The following ATP9B variants were observed in gnomAD, a reference collection of about 807,000 sequenced individuals.
The protein encoded by ATP9B is ATPase phospholipid transporting 9B.
In ATP9B, 110 loss-of-function variants were observed where a neutral mutation model predicts 146.1. The ratio of observed to expected loss-of-function variants is 0.75; its 90% CI spans 0.65 to 0.88. The LOEUF (loss-of-function observed/expected upper bound fraction) is 0.88, where lower values mean the gene tolerates loss of function less well. ATP9B is among the 40% of genes least tolerant of loss of function. The probability of loss-of-function intolerance (pLI) is 0.00; values close to 1 mark genes in which losing one functional copy is unlikely to be tolerated. For synonymous variants in ATP9B, 604 were observed against 569.7 expected (o/e 1.06, Z -0.86); for missense variants, 1,499 against 1,496.4 (o/e 1.00, Z -0.03).
intron 11 of ATP9B, among the ~76,000 whole-genome samples, chr18:79,218,664 T>C (rs926594692): frequency 1.3e-5 from 2 of 152,250 alleles, no homozygotes; most frequent in African/African-American, 4.8e-5. Context: ...CAGCGCAGGC[T>C]GACAGCTCCT....
At chr18:79,366,590 T>C (rs1019195757) in intron 26 of ATP9B, among the ~76,000 whole-genome samples, 1 of 152,192 alleles carries the variant, frequency 6.6e-6, no homozygotes, top group Non-Finnish European at 1.5e-5. Flanking sequence ...GGGCTTGTGG[T>C]TTCTGTGAGA....
intron 7 of ATP9B, among the ~76,000 whole-genome samples, chr18:79,155,753 C>CTTTTT (rs56002235): frequency 8.1e-5 from 6 of 74,072 alleles, no homozygotes; most frequent in Non-Finnish European, 1.4e-4. Context: ...TGTTTTCTCT[C>CTTTTT]TTTTTTTTTT....
chr18:79,271,413 G>A (rs971126883), intron 12 of ATP9B, among the ~76,000 whole-genome samples: 25 of 125,628 alleles, frequency 2.0e-4, no homozygotes, highest in African/African-American at 6.8e-4. Context: ...AACAGGCCCC[G>A]GTGTGTGATG....
intron 11 of ATP9B, among the ~76,000 whole-genome samples, chr18:79,230,890 C>T (rs377562782): frequency 3.3e-5 from 5 of 152,028 alleles, no homozygotes; most frequent in African/African-American, 7.2e-5. Flanking sequence ...TATACAACAA[C>T]GCAAACAAAA....
At chr18:79,266,296 A>G (rs1177268921) in intron 12 of ATP9B, among the ~76,000 whole-genome samples, 2 of 152,152 alleles carry the variant, frequency 1.3e-5, no homozygotes, top group Non-Finnish European at 2.9e-5. Context: ...AAGAAATAAA[A>G]TTAATTTTTA....
At chr18:79,322,148 C>T (rs1207913236) in intron 15 of ATP9B, among the ~76,000 whole-genome samples, 1 of 152,114 alleles carries the variant, frequency 6.6e-6, no homozygotes, top group Non-Finnish European at 1.5e-5. Flanking sequence ...CCCTGAATTA[C>T]AGGACTGCGT....
chr18:79,099,176 T>C (rs182590671), intron 2 of ATP9B, among the ~76,000 whole-genome samples: 2 of 152,324 alleles, frequency 1.3e-5, no homozygotes, highest in East Asian at 3.9e-4. Context: ...TGACAGGTAT[T>C]ATCATTAAGT....
At chr18:79,274,432 G>A (rs1220600136) in intron 12 of ATP9B, among the ~76,000 whole-genome samples, 8 of 152,094 alleles carry the variant, frequency 5.3e-5, no homozygotes, top group East Asian at 1.9e-4. Context: ...AAATGCTCCC[G>A]ATGTGTTGTT....
At chr18:79,318,156 T>C (rs959619519) in intron 15 of ATP9B, among the ~76,000 whole-genome samples, 5 of 152,262 alleles carry the variant, frequency 3.3e-5, no homozygotes, top group Non-Finnish European at 7.3e-5. Flanking sequence ...ATCATGTATG[T>C]AGCTACTGAA....
chr18:79,375,318 T>G, intron 28 of ATP9B, 76 bp from the exon 29 acceptor site: 1 of 1,336,352 alleles, frequency 7.5e-7, no homozygotes, highest in South Asian at 1.3e-5. Flanking sequence ...TTTCTTATTC[T>G]TTTGCTAACC....
At chr18:79,261,548 C>T (rs578072440) in intron 12 of ATP9B, among the ~76,000 whole-genome samples, 1 of 152,224 alleles carries the variant, frequency 6.6e-6, no homozygotes, top group Admixed American at 6.5e-5. Flanking sequence ...CCACCCTCCA[C>T]ACCCCACCAC....
At chr18:79,173,345 G>T (rs1043951838) in intron 7 of ATP9B, among the ~76,000 whole-genome samples, 1 of 149,178 alleles carries the variant, frequency 6.7e-6, no homozygotes, top group African/African-American at 2.4e-5. Context: ...AAGTCCAATT[G>T]ATTTTTTTTT....
intron 25 of ATP9B, chr18:79,353,092 C>T (rs2096930981): frequency 2.0e-5 from 3 of 152,264 alleles, no homozygotes; most frequent in Admixed American, 2.0e-4. Context: ...AGTTAAGGCT[C>T]TGCTACCACG....
chr18:79,148,841 TCTC>T (rs960598702), intron 6 of ATP9B, among the ~76,000 whole-genome samples: 1 of 152,002 alleles, frequency 6.6e-6, no homozygotes, highest in African/African-American at 2.4e-5. Context: ...CTATAGAAAA[TCTC>T]CTGGAACTAG....
At chr18:79,112,906 G>T (rs1228612235) in intron 3 of ATP9B, among the ~76,000 whole-genome samples, 3 of 151,784 alleles carry the variant, frequency 2.0e-5, no homozygotes, top group African/African-American at 7.3e-5. Flanking sequence ...TTTTTTTCAT[G>T]TTCATGTAAA....
At chr18:79,183,179 A>G (rs906055033) in intron 8 of ATP9B, among the ~76,000 whole-genome samples, 6 of 152,152 alleles carry the variant, frequency 3.9e-5, no homozygotes, top group African/African-American at 1.4e-4. Flanking sequence ...TATCCTTGCA[A>G]GTGTTTTATT....
chr18:79,206,879 G>C, intron 9 of ATP9B, 58 bp from the exon 10 acceptor site: 2 of 1,507,380 alleles, frequency 1.3e-6, no homozygotes, highest in Non-Finnish European at 1.8e-6. Context: ...GGTTATATAA[G>C]GTGTGAATAA....
At chr18:79,236,393 C>G (rs1322001745) in intron 11 of ATP9B, among the ~76,000 whole-genome samples, 1 of 152,082 alleles carries the variant, frequency 6.6e-6, no homozygotes, top group East Asian at 1.9e-4. Flanking sequence ...TTATTTTCTC[C>G]CACTCTGCTG....
chr18:79,118,648 C>T (rs2094136313), intron 4 of ATP9B, among the ~76,000 whole-genome samples: 1 of 151,868 alleles, frequency 6.6e-6, no homozygotes, highest in South Asian at 2.1e-4. Flanking sequence ...GATCCGTCCG[C>T]CTCAGCCTCC....
Sources: gnomAD v4.1 joint callset for allele counts (sites outside exome capture counted in the v4.1 genomes callset) on GRCh38, gnomAD v4.1.1 for gene constraint, MANE v1.5 for transcripts, NCBI Gene and HGNC (gene_info 2026-07-23, HGNC 2026-07-21) for gene names.